The following FABP12 variants were observed in gnomAD, a reference collection of about 807,000 sequenced individuals.
FABP12 encodes the protein fatty acid-binding protein 12.
In FABP12, 19 loss-of-function variants were observed where a neutral mutation model predicts 13.7. The observed-to-expected ratio is 1.39, with a 90% CI of 0.97 to 2.04. FABP12 has a LOEUF of 2.04. Ranked by LOEUF, FABP12 falls within the 30% of genes most tolerant of loss-of-function variation. The pLI, the probability that FABP12 is intolerant of heterozygous loss-of-function variation, is 0.00. For missense variants in FABP12, 182 were observed against 164.2 expected (o/e 1.11, Z -0.59); for synonymous variants, 61 against 57.0 (o/e 1.07, Z -0.32).
rs964628241 is a variant in FABP12, at chr8:81,544,956, A to T, written c.-184-5213T>A. ...TGATATTGTGTAATTCCAGGAAGAG[A>T]TTTTATGGCCAATGGCGTAGAGGCC... On this transcript the variant is annotated intron_variant, in intron 1 of 5. Transcript: ENST00000692030. 3.3e-5 allele frequency among the ~76,000 whole-genome samples: 5 copies of T among 152,286 alleles called. No homozygotes were observed. In the East Asian group the frequency reaches 9.7e-4, roughly 29 times the overall value.
intron 1 of FABP12, among the ~76,000 whole-genome samples, chr8:81,567,323 T>C (rs1809842016): frequency 1.3e-5 from 2 of 152,146 alleles, no homozygotes; most frequent in South Asian, 4.1e-4. Context: ...AAAATTTATA[T>C]GGAACCATAA....
intron 1 of FABP12, among the ~76,000 whole-genome samples, chr8:81,550,856 T>G (rs1282057809): frequency 6.6e-6 from 1 of 152,184 alleles, no homozygotes; most frequent in African/African-American, 2.4e-5. Context: ...AGGAATAACA[T>G]GATTCTTTTC....
upstream of FABP12, among the ~76,000 whole-genome samples, chr8:81,537,539 TG>T (rs1219812846): frequency 3.3e-5 from 5 of 152,230 alleles, no homozygotes; most frequent in East Asian, 9.7e-4. Flanking sequence ...TTATTGAAAA[TG>T]GAGAAAGTTC....
At chr8:81,571,904 T>C (rs752878596) in intron 1 of FABP12, among the ~76,000 whole-genome samples, 1 of 152,180 alleles carries the variant, frequency 6.6e-6, no homozygotes, top group Non-Finnish European at 1.5e-5. Flanking sequence ...AGAAATATGC[T>C]TACTATTAAG....
At chr8:81,540,439 A>C (rs1484449052) in intron 1 of FABP12, among the ~76,000 whole-genome samples, 1 of 152,260 alleles carries the variant, frequency 6.6e-6, no homozygotes, top group Non-Finnish European at 1.5e-5. Flanking sequence ...GCTAGGATGC[A>C]ATGAGAAGGC....
intron 1 of FABP12, among the ~76,000 whole-genome samples, chr8:81,579,013 A>T (rs915566250): frequency 3.3e-5 from 5 of 150,506 alleles, no homozygotes; most frequent in Admixed American, 2.6e-4. Flanking sequence ...TATTTTTAGT[A>T]GAGACGGGGT....
At chr8:81,531,859 A>G (rs1388620536) in intron 1 of FABP12, among the ~76,000 whole-genome samples, 1 of 152,160 alleles carries the variant, frequency 6.6e-6, no homozygotes, top group East Asian at 1.9e-4. Context: ...AAGGGCTAGA[A>G]CAACCACTTT....
At chr8:81,586,948 C>G (rs764692251) in intron 1 of FABP12, among the ~76,000 whole-genome samples, 3 of 152,124 alleles carry the variant, frequency 2.0e-5, no homozygotes, top group Non-Finnish European at 2.9e-5. Flanking sequence ...AGTCTTTAAT[C>G]TCTCTTGAGT....
chr8:81,553,598 T>A (rs919062368), intron 1 of FABP12, among the ~76,000 whole-genome samples: 2 of 152,124 alleles, frequency 1.3e-5, no homozygotes, highest in Non-Finnish European at 2.9e-5. Flanking sequence ...ACACAGGGAA[T>A]TTGTACTTAC....
At chr8:81,540,847 G>A (rs1489129635) in intron 1 of FABP12, among the ~76,000 whole-genome samples, 1 of 152,102 alleles carries the variant, frequency 6.6e-6, no homozygotes, top group African/African-American at 2.4e-5. Context: ...CAACTTCTCT[G>A]TAAACCAAAA....
intron 1 of FABP12, among the ~76,000 whole-genome samples, chr8:81,549,565 G>A (rs1438503076): frequency 6.6e-6 from 1 of 152,100 alleles, no homozygotes; most frequent in Non-Finnish European, 1.5e-5. Context: ...AATTTATAGA[G>A]CAAGATTTAA....
At chr8:81,557,164 C>T (rs180897186) in intron 1 of FABP12, among the ~76,000 whole-genome samples, 3 of 152,186 alleles carry the variant, frequency 2.0e-5, no homozygotes, top group Non-Finnish European at 2.9e-5. Flanking sequence ...CATGAGCCAC[C>T]GCACCTGGCC....
At chr8:81,538,505 A>G (rs187275915), upstream of FABP12, among the ~76,000 whole-genome samples, 4 of 152,298 alleles carry the variant, frequency 2.6e-5, no homozygotes, top group African/African-American at 9.6e-5. Context: ...CTTATAAGAG[A>G]AAGGAGAGGG....
chr8:81,565,072 A>T (rs1306395036), intron 1 of FABP12, among the ~76,000 whole-genome samples: 1 of 152,124 alleles, frequency 6.6e-6, no homozygotes, highest in African/African-American at 2.4e-5. Context: ...AAGAAAAAAA[A>T]CTATAACAAG....
intron 1 of FABP12, among the ~76,000 whole-genome samples, chr8:81,565,466 A>C (rs1809803133): frequency 6.6e-6 from 1 of 152,116 alleles, no homozygotes; most frequent in Admixed American, 6.5e-5. Flanking sequence ...ATTCAAAAAA[A>C]ATTGAAATTA....
intron 2 of FABP12, 38 bp downstream of exon 2, chr8:81,531,205 T>C: frequency 6.8e-7 from 1 of 1,468,680 alleles, no homozygotes; most frequent in Non-Finnish European, 9.5e-7. Flanking sequence ...AAAATGCCCA[T>C]TTTTACTGGA....
At chr8:81,582,761 G>A (rs1810186004) in intron 1 of FABP12, among the ~76,000 whole-genome samples, 1 of 151,898 alleles carries the variant, frequency 6.6e-6, no homozygotes, top group Non-Finnish European at 1.5e-5. Flanking sequence ...TAATAGTTGG[G>A]GACTTTGATA....
At chr8:81,569,254 A>T (rs1330171644) in intron 1 of FABP12, among the ~76,000 whole-genome samples, 1 of 152,162 alleles carries the variant, frequency 6.6e-6, no homozygotes, top group African/African-American at 2.4e-5. Flanking sequence ...CCCACATAAA[A>T]ATTTTTCAAA....
chr8:81,586,639 T>C (rs1177033291), intron 1 of FABP12, among the ~76,000 whole-genome samples: 6 of 152,250 alleles, frequency 3.9e-5, no homozygotes, highest in African/African-American at 7.2e-5. Context: ...CCTGTATGTC[T>C]TCTTTTGAGA....
Sources: allele counts gnomAD v4.1 joint callset (sites outside exome capture counted in the v4.1 genomes callset), GRCh38; gene constraint gnomAD v4.1.1; transcripts MANE v1.5; gene names NCBI Gene and HGNC (gene_info 2026-07-23, HGNC 2026-07-21).